The following CDK8 variants were observed in gnomAD, a reference collection of about 807,000 sequenced individuals.
CDK8 encodes cyclin dependent kinase 8.
A neutral mutation model predicts 71.5 loss-of-function variants in CDK8; 29 were observed. That is an observed-to-expected ratio of 0.41 (90% CI 0.30 to 0.55). CDK8 has a LOEUF of 0.55. CDK8 is among the 20% of genes least tolerant of loss of function. The pLI is 0.37. For missense variants in CDK8, 288 were observed against 572.6 expected (o/e 0.50, Z 5.07); for synonymous variants, 161 against 192.1 (o/e 0.84, Z 1.34).
intron 1 of CDK8, among the ~76,000 whole-genome samples, chr13:26,273,358 C>T (rs1214010086): frequency 6.6e-6 from 1 of 151,972 alleles, no homozygotes; most frequent in Non-Finnish European, 1.5e-5. Flanking sequence ...TTTTGTAGTT[C>T]ATGAAGTTTA....
intron 4 of CDK8, among the ~76,000 whole-genome samples, chr13:26,380,629 G>A (rs1477978637): frequency 5.9e-5 from 9 of 151,718 alleles, no homozygotes; most frequent in African/African-American, 2.2e-4. Flanking sequence ...GTGTCACCAC[G>A]CCTGGCTGAT....
intron 1 of CDK8, among the ~76,000 whole-genome samples, chr13:26,300,833 A>G (rs920757877): frequency 1.3e-5 from 2 of 152,192 alleles, no homozygotes; most frequent in Admixed American, 6.5e-5. Flanking sequence ...TTAAATTAAG[A>G]CACAGGTTTG....
intron 1 of CDK8, 56 bp from the exon 2 acceptor site, chr13:26,337,511 A>G (rs1873045266): frequency 1.5e-6 from 1 of 664,034 alleles, no homozygotes. Context: ...TTTACTTTAT[A>G]AAAATGCACA....
intron 1 of CDK8, among the ~76,000 whole-genome samples, chr13:26,321,901 A>C (rs1220530993): frequency 2.0e-5 from 3 of 152,152 alleles, no homozygotes; most frequent in African/African-American, 7.2e-5. Flanking sequence ...TGAATACCCT[A>C]TTATACATAC....
At chr13:26,353,622 A>G in intron 3 of CDK8, 118 bp from the exon 4 acceptor site, 1 of 810,386 alleles carries the variant, frequency 1.2e-6, no homozygotes. Context: ...GTACGAAATT[A>G]TATTTTCAAT....
At chr13:26,278,694 A>G (rs1338002828) in intron 1 of CDK8, among the ~76,000 whole-genome samples, 1 of 152,174 alleles carries the variant, frequency 6.6e-6, no homozygotes, top group Non-Finnish European at 1.5e-5. Flanking sequence ...TCCAAAAGTA[A>G]TAGACACTGA....
intron 1 of CDK8, among the ~76,000 whole-genome samples, chr13:26,292,571 A>G (rs998442270): frequency 4.3e-4 from 65 of 152,302 alleles, no homozygotes; most frequent in Admixed American, 2.7e-3. Context: ...CAAGTTTGCC[A>G]TATAGCTAAG....
intron 1 of CDK8, among the ~76,000 whole-genome samples, chr13:26,283,205 G>GA (rs1872840633): frequency 6.6e-6 from 1 of 152,204 alleles, no homozygotes; most frequent in Non-Finnish European, 1.5e-5. Context: ...GGACTTAACA[G>GA]ATATTTACAG....
intron 4 of CDK8, among the ~76,000 whole-genome samples, chr13:26,375,813 C>A (rs1419836918): frequency 6.6e-6 from 1 of 152,106 alleles, no homozygotes; most frequent in Non-Finnish European, 1.5e-5. Flanking sequence ...TTTTAAAAGT[C>A]CAGTTTTAGA....
At chr13:26,336,031 T>C (rs1223670951) in intron 1 of CDK8, among the ~76,000 whole-genome samples, 2 of 152,138 alleles carry the variant, frequency 1.3e-5, no homozygotes, top group Non-Finnish European at 2.9e-5. Flanking sequence ...ATCCCCAGCC[T>C]CATCTCTAGT....
rs112910265 is a variant in CDK8, at chr13:26,342,660, C to G, written c.204+5018C>G. ...CACTGAGACAGTTCCATCACCAATC[C>G]TCAGTGGCCATTCTCTTTTAATCCC... is the stretch of plus-strand genomic sequence containing the variant. On this transcript the variant is annotated intron_variant, in intron 2 of 12. Coordinates refer to ENST00000381527, the MANE Select transcript of CDK8 (RefSeq NM_001260.3). Among the ~76,000 whole-genome samples the G allele has an allele frequency of 3.9e-3, 589 of 152,226 alleles. 7 individuals are homozygous for G. Among genetic ancestry groups the G allele is most frequent in the African/African-American group, 0.012 (518 of 41,532 alleles).
At chr13:26,327,011 G>C (rs1875050194) in intron 1 of CDK8, among the ~76,000 whole-genome samples, 1 of 152,106 alleles carries the variant, frequency 6.6e-6, no homozygotes, top group South Asian at 2.1e-4. Context: ...AATCTACGTG[G>C]CCCTTTAGTT....
chr13:26,270,698 G>A (rs1872275124), intron 1 of CDK8, among the ~76,000 whole-genome samples: 1 of 152,120 alleles, frequency 6.6e-6, no homozygotes, highest in Non-Finnish European at 1.5e-5. Flanking sequence ...GCTCATCCAT[G>A]TTGTAGCATA....
At chr13:26,390,517 T>C (rs566810528) in intron 6 of CDK8, among the ~76,000 whole-genome samples, 1 of 152,280 alleles carries the variant, frequency 6.6e-6, no homozygotes, top group South Asian at 2.1e-4. Flanking sequence ...AGTGTTTTGT[T>C]TTTTATTTTT....
intron 1 of CDK8, among the ~76,000 whole-genome samples, chr13:26,335,752 A>G (rs1158048257): frequency 6.6e-6 from 1 of 152,126 alleles, no homozygotes; most frequent in Non-Finnish European, 1.5e-5. Context: ...TGTTCTCTAT[A>G]GTAACCACCA....
chr13:26,337,509 A>T (rs1342836407), intron 1 of CDK8, 58 bp from the exon 2 acceptor site: 1 of 649,040 alleles, frequency 1.5e-6, no homozygotes, highest in African/African-American at 1.9e-5. Flanking sequence ...ATTTTACTTT[A>T]TAAAAATGCA....
At chr13:26,399,052 C>T (rs1876129792) in intron 9 of CDK8, among the ~76,000 whole-genome samples, 2 of 151,714 alleles carry the variant, frequency 1.3e-5, no homozygotes, top group African/African-American at 4.8e-5. Context: ...ATTGTGTCAC[C>T]AGGCTAGAGT....
At chr13:26,363,487 C>T (rs1874245419) in intron 4 of CDK8, among the ~76,000 whole-genome samples, 1 of 151,888 alleles carries the variant, frequency 6.6e-6, no homozygotes, top group Admixed American at 6.6e-5. Context: ...AGGTATGCTA[C>T]TCACTTCAAA....
At chr13:26,333,894 C>A (rs7995204) in intron 1 of CDK8, among the ~76,000 whole-genome samples, 6,580 of 152,222 alleles carry the variant, frequency 0.043, 455 homozygotes, top group African/African-American at 0.15. Flanking sequence ...TAGTGAACAA[C>A]TCTTTTTCAT....
Sources: gnomAD v4.1 joint callset for allele counts (sites outside exome capture counted in the v4.1 genomes callset) on GRCh38, gnomAD v4.1.1 for gene constraint, MANE v1.5 for transcripts, NCBI Gene and HGNC (gene_info 2026-07-23, HGNC 2026-07-21) for gene names.